The following SCN8A variants were observed in gnomAD, a reference collection of about 807,000 sequenced individuals.
SCN8A encodes sodium voltage-gated channel alpha subunit 8, also known as sodium channel protein type 8 subunit alpha.
SCN8A carries 30 observed loss-of-function variants against 184.1 expected under a neutral mutation model. The ratio of observed to expected loss-of-function variants is 0.16; its 90% CI spans 0.12 to 0.22. The LOEUF is 0.22. Ranked by LOEUF, SCN8A falls within the 10% of genes least tolerant of loss-of-function variation. The pLI is 1.00. For synonymous variants in SCN8A, 852 were observed against 907.0 expected (o/e 0.94, Z 1.09); for missense variants, 1,057 against 2,498.9 (o/e 0.42, Z 12.30).
At chr12:51,608,063 C>G (rs369316665) in intron 1 of SCN8A, among the ~76,000 whole-genome samples, 91 of 149,658 alleles carry the variant, frequency 6.1e-4, no homozygotes, top group African/African-American at 2.1e-3. Flanking sequence ...CTCTGTCGCC[C>G]AGGCTGGAGT....
At chr12:51,695,960 G>C (rs189661171) in intron 6 of SCN8A, among the ~76,000 whole-genome samples, 9 of 152,306 alleles carry the variant, frequency 5.9e-5, no homozygotes, top group African/African-American at 2.2e-4. Flanking sequence ...TTCCACTTAT[G>C]TGGACCTGGA....
chr12:51,713,560 C>T (rs1293507576), intron 11 of SCN8A: 9 of 724,182 alleles, frequency 1.2e-5, no homozygotes, highest in South Asian at 6.1e-5. Context: ...GCAATGTCGA[C>T]GGCTGGAGTC....
intron 21 of SCN8A, among the ~76,000 whole-genome samples, chr12:51,785,839 G>A (rs11837913): frequency 0.13 from 19,869 of 151,994 alleles, 1,576 homozygotes; most frequent in East Asian, 0.36. Context: ...GCAGAGAGAC[G>A]ACAGCATTAG....
chr12:51,652,030 G>GA (rs1221871456), intron 1 of SCN8A, among the ~76,000 whole-genome samples: 1 of 151,904 alleles, frequency 6.6e-6, no homozygotes, highest in Non-Finnish European at 1.5e-5. Flanking sequence ...GTATGGATGA[G>GA]AAAAAAAATC....
chr12:51,722,036 G>C, intron 12 of SCN8A, 128 bp downstream of exon 12: 1 of 1,486,076 alleles, frequency 6.7e-7, no homozygotes, highest in Non-Finnish European at 9.2e-7. Flanking sequence ...CACTTGGTCT[G>C]TCTGGACCCC....
chr12:51,617,848 G>A (rs1490636406), intron 1 of SCN8A, among the ~76,000 whole-genome samples: 2 of 152,088 alleles, frequency 1.3e-5, no homozygotes, highest in African/African-American at 4.8e-5. Flanking sequence ...TTCTATTTCT[G>A]TTTATTCCAG....
chr12:51,644,075 C>A lies in SCN8A; in HGVS notation c.-54-18689C>A, dbSNP rs1940511103. On this transcript the variant is annotated intron_variant, in intron 1 of 26. Coordinates refer to ENST00000627620, the MANE Select transcript of SCN8A (RefSeq NM_001330260.2). ...TAGATTTTGAGTCAGGATATTATTC[C>A]TTCTGATTTAAGCCTCTATGTTTTT... Among the ~76,000 whole-genome samples, 3 of 152,178 alleles carry A rather than the reference C, an allele frequency of 2.0e-5. No homozygotes were observed. The South Asian group carries it at 6.2e-4, about 32-fold the overall frequency.
At chr12:51,687,850 G>GT (rs1941444150) in intron 5 of SCN8A, among the ~76,000 whole-genome samples, 1 of 152,204 alleles carries the variant, frequency 6.6e-6, no homozygotes, top group Non-Finnish European at 1.5e-5. Context: ...TGATAGAAGA[G>GT]TTATAGCAGG....
At chr12:51,604,995 C>T (rs753275964) in intron 1 of SCN8A, among the ~76,000 whole-genome samples, 6 of 152,160 alleles carry the variant, frequency 3.9e-5, no homozygotes, top group Non-Finnish European at 8.8e-5. Context: ...TCACCCTCCT[C>T]CTAACGTCCA....
At chr12:51,678,899 A>G (rs901287785) in intron 2 of SCN8A, among the ~76,000 whole-genome samples, 2 of 151,794 alleles carry the variant, frequency 1.3e-5, no homozygotes, top group Non-Finnish European at 2.9e-5. Context: ...AACACGGTGA[A>G]ACCCCGTCTC....
At chr12:51,630,953 C>A (rs12581731) in intron 1 of SCN8A, among the ~76,000 whole-genome samples, 3,371 of 152,268 alleles carry the variant, frequency 0.022, 186 homozygotes, top group East Asian at 0.19. Flanking sequence ...TCCTTCACTA[C>A]ATCTCATTGT....
chr12:51,710,080 T>C (rs1941849354), intron 11 of SCN8A, among the ~76,000 whole-genome samples: 1 of 152,106 alleles, frequency 6.6e-6, no homozygotes, highest in Admixed American at 6.5e-5. Context: ...TGAGAGGTTG[T>C]GTTTGGAGGT....
At chr12:51,798,336 T>C (rs997295385) in intron 26 of SCN8A, among the ~76,000 whole-genome samples, 1 of 152,168 alleles carries the variant, frequency 6.6e-6, no homozygotes, top group Admixed American at 6.5e-5. Context: ...AGTCCACAGA[T>C]GGTAGTCTTG....
intron 12 of SCN8A, among the ~76,000 whole-genome samples, chr12:51,742,275 A>G (rs1407869531): frequency 3.9e-5 from 6 of 152,144 alleles, no homozygotes; most frequent in African/African-American, 1.4e-4. Context: ...TATGCCTACT[A>G]TTACCAGTGA....
At chr12:51,770,054 C>T in intron 18 of SCN8A, 69 bp downstream of exon 18, 1 of 1,123,466 alleles carries the variant, frequency 8.9e-7, no homozygotes, top group Non-Finnish European at 1.3e-6. Flanking sequence ...TGTGCCAGGG[C>T]TAGTGGTGGG....
chr12:51,646,872 G>A (rs1240357371), intron 1 of SCN8A, among the ~76,000 whole-genome samples: 4 of 152,304 alleles, frequency 2.6e-5, no homozygotes, highest in Middle Eastern at 3.4e-3. Flanking sequence ...AGATGGAAGC[G>A]GATACTAGTA....
chr12:51,747,861 A>T (rs912595302), intron 13 of SCN8A, among the ~76,000 whole-genome samples: 2 of 36,386 alleles, frequency 5.5e-5, no homozygotes, highest in Non-Finnish European at 7.6e-5. Flanking sequence ...CATCACACAC[A>T]TTAAAAAAAA....
At chr12:51,703,847 GCCTAGAGTTC>G (rs1159583318) in intron 9 of SCN8A, among the ~76,000 whole-genome samples, 2 of 152,090 alleles carry the variant, frequency 1.3e-5, no homozygotes, top group African/African-American at 2.4e-5. Flanking sequence ...CTGTTGCACA[GCCTAGAGTTC>G]CCTCAGGTTG....
intron 1 of SCN8A, among the ~76,000 whole-genome samples, chr12:51,657,425 T>G (rs968099046): frequency 6.6e-6 from 1 of 152,128 alleles, no homozygotes; most frequent in Admixed American, 6.6e-5. Context: ...CATTTATATG[T>G]CTTGTTTTGA....
Sources: allele counts gnomAD v4.1 joint callset (sites outside exome capture counted in the v4.1 genomes callset), GRCh38; gene constraint gnomAD v4.1.1; transcripts MANE v1.5; gene names NCBI Gene and HGNC (gene_info 2026-07-23, HGNC 2026-07-21).